The following COL19A1 variants were observed in gnomAD, a reference collection of about 807,000 sequenced individuals.
The protein encoded by COL19A1 is collagen type XIX alpha 1 chain, also known as collagen alpha-1(XIX) chain.
COL19A1 carries 159 observed loss-of-function variants against 190.2 expected under a neutral mutation model. That is an observed-to-expected ratio of 0.84 (90% CI 0.73 to 0.95). The LOEUF is 0.95. Among genes scored for constraint, COL19A1 ranks in the 40% least tolerant of loss-of-function variants. The probability of loss-of-function intolerance (pLI) is 0.00; values close to 1 mark genes in which losing one functional copy is unlikely to be tolerated. For synonymous variants in COL19A1, 509 were observed against 458.9 expected (o/e 1.11, Z -1.39); for missense variants, 1,418 against 1,431.9 (o/e 0.99, Z 0.16).
At chr6:70,090,669 G>T (rs752190405) in intron 15 of COL19A1, among the ~76,000 whole-genome samples, 12 of 152,110 alleles carry the variant, frequency 7.9e-5, no homozygotes, top group Non-Finnish European at 1.6e-4. Flanking sequence ...GATGAATTTG[G>T]TGGCAATTTT....
At chr6:70,125,699 A>C (rs1582973643) in intron 17 of COL19A1, among the ~76,000 whole-genome samples, 5 of 152,188 alleles carry the variant, frequency 3.3e-5, no homozygotes, top group Admixed American at 3.3e-4. Flanking sequence ...TTGCATGCCT[A>C]CTTATGGATG....
intron 49 of COL19A1, among the ~76,000 whole-genome samples, chr6:70,205,217 A>C (rs960114028): frequency 1.3e-5 from 2 of 152,220 alleles, no homozygotes; most frequent in African/African-American, 4.8e-5. Flanking sequence ...CACATTTATG[A>C]TCAGGTCTTA....
chr6:70,195,507 G>C (rs1767142564), intron 48 of COL19A1, among the ~76,000 whole-genome samples: 2 of 152,176 alleles, frequency 1.3e-5, no homozygotes, highest in Non-Finnish European at 2.9e-5. Flanking sequence ...AGCTACTTCA[G>C]ATTTTCAGTT....
At chr6:69,887,225 G>C (rs1414018445) in intron 2 of COL19A1, among the ~76,000 whole-genome samples, 1 of 152,182 alleles carries the variant, frequency 6.6e-6, no homozygotes, top group Non-Finnish European at 1.5e-5. Context: ...CTTGAGACTT[G>C]TTTTGCTAAT....
In COL19A1 at chr6:70,156,161, G is replaced by A. The variant is rs1388176702; in HGVS notation, c.2114G>A (p.Gly705Glu). The A allele has an allele frequency of 1.2e-6, 2 of 1,613,148 alleles. No homozygotes were observed. The highest frequency in any genetic ancestry group is 1.3e-5 in the African/African-American group (1 of 74,958). The change falls in exon 32 of 51, where the codon GGG (glycine) becomes GAG (glutamate). Residue 705 changes from glycine (G) to glutamate (E), a missense_variant. Physicochemically the swap from Gly to Glu is moderately conservative, Grantham distance 98 (BLOSUM62 -2). Coordinates refer to ENST00000620364, the MANE Select transcript of COL19A1 (RefSeq NM_001858.6). ...GGCAACTGCCAAGCCAGTGTCCCAG[G>A]GCTGAAAAGCAACAAAGGAGAAGAA... Reference protein sequence around the residue: ...FCGNCQASVPGLKSNKGEEGG... With the variant: ...FCGNCQASVPELKSNKGEEGG...
At chr6:70,197,244 C>T (rs971317808) in intron 48 of COL19A1, among the ~76,000 whole-genome samples, 2 of 151,570 alleles carry the variant, frequency 1.3e-5, no homozygotes, top group Admixed American at 6.6e-5. Context: ...CACGGTGAAA[C>T]CCTGTCTCTA....
chr6:70,047,734 A>C (rs965958766), intron 14 of COL19A1, among the ~76,000 whole-genome samples: 1 of 152,118 alleles, frequency 6.6e-6, no homozygotes, highest in Non-Finnish European at 1.5e-5. Flanking sequence ...GATTCTCCTC[A>C]ATTAAATAAT....
chr6:69,879,249 A>C (rs1241946485), intron 1 of COL19A1, among the ~76,000 whole-genome samples: 1 of 152,200 alleles, frequency 6.6e-6, no homozygotes, highest in East Asian at 1.9e-4. Context: ...GTGTCAGTTT[A>C]AGTGTAGTTG....
rs576093956 is a variant in COL19A1 at position 69,998,794 on chromosome 6, A to G, written c.1027-24833A>G. Among the ~76,000 whole-genome samples, 5 of 152,276 alleles carry G rather than the reference A, an allele frequency of 3.3e-5. No individual in the cohort carries two copies. The East Asian group carries it at 7.7e-4, about 24-fold the overall frequency. On this transcript the variant is annotated intron_variant, in intron 11 of 50. Coordinates refer to ENST00000620364, the MANE Select transcript of COL19A1 (RefSeq NM_001858.6). ...AAAGATTGAAAGAATTGTACAGTGA[A>G]CACTCATATATTCATCACTATTCTA...
chr6:70,206,306 T>A (rs575476140), intron 49 of COL19A1, among the ~76,000 whole-genome samples: 5 of 152,286 alleles, frequency 3.3e-5, no homozygotes, highest in African/African-American at 1.2e-4. Context: ...AGGTGTCATT[T>A]TCAGAGCCAA....
intron 14 of COL19A1, among the ~76,000 whole-genome samples, chr6:70,048,092 A>G (rs1780003702): frequency 6.6e-6 from 1 of 152,108 alleles, no homozygotes; most frequent in Non-Finnish European, 1.5e-5. Context: ...TTACTAAATG[A>G]TACTTAAATA....
At chr6:70,020,737 GGAT>G (rs1229012366) in intron 11 of COL19A1, among the ~76,000 whole-genome samples, 4 of 152,036 alleles carry the variant, frequency 2.6e-5, no homozygotes, top group Non-Finnish European at 4.4e-5. Context: ...CAGAGAGCAA[GGAT>G]GATACTAACC....
chr6:70,073,711 T>C (rs999872047), intron 15 of COL19A1, among the ~76,000 whole-genome samples: 5 of 152,128 alleles, frequency 3.3e-5, no homozygotes, highest in Admixed American at 3.3e-4. Flanking sequence ...ATTAAGTATG[T>C]AAAAATGTCT....
intron 12 of COL19A1, among the ~76,000 whole-genome samples, chr6:70,028,019 C>T (rs561682491): frequency 2.0e-5 from 3 of 152,132 alleles, no homozygotes; most frequent in Admixed American, 2.0e-4. Flanking sequence ...CCTCAGTTTC[C>T]TTATTTGCAC....
chr6:70,194,986 T>C (rs970998586), intron 48 of COL19A1, among the ~76,000 whole-genome samples: 1 of 151,362 alleles, frequency 6.6e-6, no homozygotes, highest in Non-Finnish European at 1.5e-5. Context: ...TGCATATATA[T>C]ATGAATGTGT....
intron 34 of COL19A1, among the ~76,000 whole-genome samples, chr6:70,157,448 T>C (rs1177874111): frequency 6.6e-6 from 1 of 152,152 alleles, no homozygotes; most frequent in Non-Finnish European, 1.5e-5. Context: ...TACTACTAAT[T>C]CTTAATGAAA....
At chr6:70,025,449 T>C (rs766045130) in intron 12 of COL19A1, among the ~76,000 whole-genome samples, 1 of 152,194 alleles carries the variant, frequency 6.6e-6, no homozygotes, top group Admixed American at 6.5e-5. Flanking sequence ...TCAGGTTCAT[T>C]GAGTGCCTGC....
intron 37 of COL19A1, among the ~76,000 whole-genome samples, chr6:70,166,340 C>T (rs1384772058): frequency 6.6e-6 from 1 of 152,212 alleles, no homozygotes; most frequent in African/African-American, 2.4e-5. Flanking sequence ...ATCCTTTCCG[C>T]TGATGCGAGT....
intron 2 of COL19A1, among the ~76,000 whole-genome samples, chr6:69,897,621 C>T (rs899259139): frequency 6.6e-6 from 1 of 152,108 alleles, no homozygotes; most frequent in African/African-American, 2.4e-5. Flanking sequence ...TCTTTAATTT[C>T]TCTCAGGCAT....
Sources: allele counts gnomAD v4.1 joint callset (sites outside exome capture counted in the v4.1 genomes callset), GRCh38; gene constraint gnomAD v4.1.1; transcripts MANE v1.5; gene names NCBI Gene and HGNC (gene_info 2026-07-23, HGNC 2026-07-21).